Variants in LIPA observed in about 807,000 individuals in gnomAD.
LIPA encodes the protein lipase A, lysosomal acid type, also known as lysosomal acid lipase/cholesteryl ester hydrolase.
In LIPA, 26 loss-of-function variants were observed where a neutral mutation model predicts 40.6. The ratio of observed to expected loss-of-function variants is 0.64; its 90% CI spans 0.47 to 0.89. The LOEUF (loss-of-function observed/expected upper bound fraction) is 0.89. LIPA is among the 40% of genes least tolerant of loss of function. The pLI is 0.00. For synonymous variants in LIPA, 188 were observed against 168.4 expected (o/e 1.12, Z -0.90); for missense variants, 455 against 479.6 (o/e 0.95, Z 0.48).
rs9651498 is a variant in LIPA at position 89,219,500 on chromosome 10, G to C, written c.894+3011C>G. Reference sequence around the variant, plus strand: ...ATGCTATATTTAAAATCCCGCTAAAGAACAAGGTATGGAATTTATTAACAA... The same window carrying C: ...ATGCTATATTTAAAATCCCGCTAAACAACAAGGTATGGAATTTATTAACAA... On this transcript the variant is annotated intron_variant, in intron 8 of 9. Coordinates refer to ENST00000336233, the MANE Select transcript of LIPA (RefSeq NM_000235.4). Among the ~76,000 whole-genome samples the C allele has an allele frequency of 4.7e-3, 716 of 152,286 alleles. 5 individuals carry two copies. Among genetic ancestry groups the C allele is most frequent in the African/African-American group, 0.016 (674 of 41,560 alleles).
chr10:89,324,840 C>T (rs909174794), intron 1 of LIPA, among the ~76,000 whole-genome samples: 2 of 152,074 alleles, frequency 1.3e-5, no homozygotes, highest in African/African-American at 2.4e-5. Flanking sequence ...CATCCATGTC[C>T]CTGCAAAGGA....
chr10:89,315,772 G>C (rs1292127813), intron 1 of LIPA, among the ~76,000 whole-genome samples: 2 of 152,160 alleles, frequency 1.3e-5, no homozygotes, highest in African/African-American at 4.8e-5. Flanking sequence ...GGCTTCGTAT[G>C]TTTAGTGTGA....
intron 1 of LIPA, among the ~76,000 whole-genome samples, chr10:89,312,466 A>G (rs1843521646): frequency 6.6e-6 from 1 of 152,082 alleles, no homozygotes; most frequent in African/African-American, 2.4e-5. Flanking sequence ...TAATAATAAT[A>G]ATTCAATAAA....
intron 1 of LIPA, among the ~76,000 whole-genome samples, chr10:89,318,445 A>G (rs928038166): frequency 9.9e-5 from 15 of 152,222 alleles, no homozygotes; most frequent in African/African-American, 3.6e-4. Flanking sequence ...TTTAACCAAC[A>G]AAGATCAAAA....
intron 3 of LIPA, among the ~76,000 whole-genome samples, chr10:89,243,036 T>A (rs1842981093): frequency 6.6e-6 from 1 of 152,074 alleles, no homozygotes; most frequent in African/African-American, 2.4e-5. Flanking sequence ...GGCTAGGTCA[T>A]TAGGAGGATG....
intron 1 of LIPA, among the ~76,000 whole-genome samples, chr10:89,268,221 A>G (rs1843247541): frequency 6.6e-6 from 1 of 152,202 alleles, no homozygotes; most frequent in South Asian, 2.1e-4. Flanking sequence ...GGCAAAATCT[A>G]CAATTTGCTG....
At chr10:89,370,112 T>G (rs1048727336) in intron 2 of LIPA, among the ~76,000 whole-genome samples, 2 of 152,282 alleles carry the variant, frequency 1.3e-5, no homozygotes, top group African/African-American at 4.8e-5. Flanking sequence ...TTAAATTAAT[T>G]AAAATAAAAT....
At chr10:89,284,503 G>T (rs1382144532) in intron 1 of LIPA, 2 of 152,044 alleles carry the variant, frequency 1.3e-5, no homozygotes, top group African/African-American at 4.8e-5. Flanking sequence ...TTTGCATTTT[G>T]CTCTTAGTTC....
At chr10:89,392,475 C>G (rs74506869) in intron 2 of LIPA, 4,317 of 242,442 alleles carry the variant, frequency 0.018, 354 homozygotes, top group Middle Eastern at 0.065. Flanking sequence ...TTCCCCACCC[C>G]CCCCCGTCAG....
intron 2 of LIPA, among the ~76,000 whole-genome samples, chr10:89,378,364 T>C (rs1282167554): frequency 6.6e-6 from 1 of 152,144 alleles, no homozygotes; most frequent in Non-Finnish European, 1.5e-5. Flanking sequence ...GAAATGGTGC[T>C]TGTTGGTTGC....
Position 89,258,294 on chromosome 10 carries a change from A to G in LIPA, c.-1-10645T>C, listed in dbSNP as rs557514985. 1.1e-4 allele frequency among the ~76,000 whole-genome samples: 16 copies of G among 152,326 alleles called. No homozygotes were observed. In the South Asian group the frequency reaches 2.5e-3, roughly 24 times the overall value. On this transcript the variant is annotated intron_variant, in intron 1 of 5. Transcript: ENST00000282673. Reference sequence around the variant, plus strand: ...GAAAAATTAACTCAAAATGGACCATACACATACATTTGAAAGTTAAAAATA... The same window carrying G: ...GAAAAATTAACTCAAAATGGACCATGCACATACATTTGAAAGTTAAAAATA...
intron 2 of LIPA, chr10:89,402,174 A>G (rs1844435522): frequency 4.3e-6 from 3 of 698,814 alleles, no homozygotes; most frequent in Non-Finnish European, 7.3e-6. Context: ...AAACCTAAGT[A>G]AGTTGATCCT....
At chr10:89,372,320 T>A (rs1844096270) in intron 2 of LIPA, among the ~76,000 whole-genome samples, 2 of 152,194 alleles carry the variant, frequency 1.3e-5, no homozygotes, top group African/African-American at 4.8e-5. Context: ...GCTCACAGAC[T>A]AGACAGTCTT....
At chr10:89,366,975 C>A (rs891624633) in intron 2 of LIPA, among the ~76,000 whole-genome samples, 1 of 152,158 alleles carries the variant, frequency 6.6e-6, no homozygotes, top group African/African-American at 2.4e-5. Flanking sequence ...CACATATACA[C>A]CATGGAATAC....
chr10:89,317,283 A>C (rs1843546362), intron 1 of LIPA, among the ~76,000 whole-genome samples: 1 of 152,234 alleles, frequency 6.6e-6, no homozygotes, highest in Non-Finnish European at 1.5e-5. Context: ...CTAAGGGAGG[A>C]TGTTTGAACC....
intron 1 of LIPA, among the ~76,000 whole-genome samples, chr10:89,323,397 C>T (rs896732424): frequency 1.3e-5 from 2 of 152,056 alleles, no homozygotes; most frequent in African/African-American, 4.8e-5. Context: ...GGGATGCCCA[C>T]TCTTAGCACT....
chr10:89,232,603 C>G (rs1353385329), intron 3 of LIPA, among the ~76,000 whole-genome samples: 4 of 152,182 alleles, frequency 2.6e-5, no homozygotes, highest in Middle Eastern at 3.4e-3. Flanking sequence ...CCAAAGAGGG[C>G]CCTGGGGCAA....
chr10:89,381,731 T>C (rs1331129261), intron 2 of LIPA, among the ~76,000 whole-genome samples: 1 of 152,164 alleles, frequency 6.6e-6, no homozygotes, highest in African/African-American at 2.4e-5. Context: ...TGTGGTGCTA[T>C]TCATTATCTT....
chr10:89,384,446 A>G (rs754796910), intron 2 of LIPA: 3 of 1,614,250 alleles, frequency 1.9e-6, no homozygotes, highest in Non-Finnish European at 2.5e-6. Flanking sequence ...CAGCTAAAGC[A>G]AGAGATTCAT....
Sources: gnomAD v4.1 joint callset for allele counts (sites outside exome capture counted in the v4.1 genomes callset) on GRCh38, gnomAD v4.1.1 for gene constraint, MANE v1.5 for transcripts, NCBI Gene and HGNC (gene_info 2026-07-23, HGNC 2026-07-21) for gene names.